SFXN2: variants seen among roughly 807,000 people sequenced by gnomAD.
The protein encoded by SFXN2 is sideroflexin 2, also known as sideroflexin-2.
A neutral mutation model predicts 41.9 loss-of-function variants in SFXN2; 37 were observed. The ratio of observed to expected loss-of-function variants is 0.88; its 90% CI spans 0.68 to 1.16. The LOEUF (loss-of-function observed/expected upper bound fraction) is 1.16. Among genes scored for constraint, SFXN2 ranks in the 50% most tolerant of loss-of-function variants. SFXN2 has a pLI of 0.00. For missense variants in SFXN2, 386 were observed against 425.2 expected, an observed-to-expected ratio of 0.91 and a Z score of 0.81; for synonymous variants, 150 against 156.7, an observed-to-expected ratio of 0.96 and a Z score of 0.32.
chr10:102,717,938 A>T lies in SFXN2; in HGVS notation c.-26+3257A>T, dbSNP rs530736390. ...AAGGTGACAATCACAAACGCCCAGCATGCTGCAAAGGACAGGATGCTGTAG... is the reference window on the plus strand; with the variant it reads ...AAGGTGACAATCACAAACGCCCAGCTTGCTGCAAAGGACAGGATGCTGTAG... On this transcript the variant is annotated intron_variant, in intron 1 of 11. Coordinates refer to ENST00000369893, the MANE Select transcript of SFXN2 (RefSeq NM_178858.6). Among the ~76,000 whole-genome samples, 14 of 152,372 alleles carry T rather than the reference A, an allele frequency of 9.2e-5. No homozygotes were observed. The South Asian group carries it at 2.9e-3, about 32-fold the overall frequency.
chr10:102,718,912 C>A (rs555518345), intron 1 of SFXN2, among the ~76,000 whole-genome samples: 1 of 138,444 alleles, frequency 7.2e-6, no homozygotes, highest in African/African-American at 2.7e-5. Flanking sequence ...TTCCTTTTCT[C>A]GGCTTCTTTT....
chr10:102,732,881 A>C lies in SFXN2; in HGVS notation c.744A>C (p.Glu248Asp). 6.2e-7 allele frequency: 1 copy of C among 1,614,104 alleles called. No individual in the cohort carries two copies. ...CAGTCTTGCTGCCAGTCATCATGGA[A>C]AGGCTTGAGAAATTGCACTTCATGC... ...PGMILLPVIM[E>D]RLEKLHFMQK... The change falls in exon 9 of 12, where the codon GAA (glutamate) becomes GAC (aspartate). Residue 248 changes from glutamate (E) to aspartate (D), a missense_variant. Transcript: ENST00000369893.
At chr10:102,736,055 G>A (rs1438976925) in intron 11 of SFXN2, 146 bp downstream of exon 11, 2 of 805,832 alleles carry the variant, frequency 2.5e-6, no homozygotes, top group African/African-American at 1.7e-5. Flanking sequence ...TAAAGGCTGG[G>A]CCTCTTAACC....
chr10:102,739,115 A>G lies in SFXN2; in HGVS notation c.*1353A>G, dbSNP rs2064820623. 6.6e-6 allele frequency: 1 copy of G among 152,268 alleles called. No individual in the cohort carries two copies. Among genetic ancestry groups the G allele is most frequent in the South Asian group, 2.1e-4 (1 of 4,828 alleles). The allele number at this position is 152,268 out of a possible 1,614,324, so 9.4% of individuals were successfully genotyped here. A position where few individuals can be genotyped will look rare whatever the true frequency, so the allele number is the denominator to read the frequency against. Reference sequence around the variant, plus strand: ...GTGTGTATGAGTTTTGTCTGGTAGGATTGCTGACTCTGTCCAACAGATATC... The same window carrying G: ...GTGTGTATGAGTTTTGTCTGGTAGGGTTGCTGACTCTGTCCAACAGATATC... On this transcript the variant is annotated 3_prime_UTR_variant, in exon 12 of 12. Coordinates refer to ENST00000369893, the MANE Select transcript of SFXN2 (RefSeq NM_178858.6).
chr10:102,742,132 T>C lies in SFXN2; in HGVS notation c.*4370T>C, dbSNP rs536033025. 6.6e-6 allele frequency: 1 copy of C among 151,584 alleles called. No individual in the cohort carries two copies. Among genetic ancestry groups the C allele is most frequent in the African/African-American group, 2.4e-5 (1 of 41,254 alleles). 9.4% of individuals were successfully genotyped at this position (151,584 alleles called of 1,614,324 possible). A position where few individuals can be genotyped will look rare whatever the true frequency, so the allele number is the denominator to read the frequency against. On this transcript the variant is annotated 3_prime_UTR_variant, in exon 12 of 12. Transcript: ENST00000369893. The stretch of plus-strand genomic sequence containing the variant: ...CTAAAGTCAACTGTGTTATTTGCCA[T>C]GGGTCTTCCTTTGTCCATTTATTTT...
At position 102,738,299 on chromosome 10, in the gene SFXN2, CTTT is replaced by C. The variant is rs540808803; in HGVS notation, c.*549_*551del. 2.8e-5 allele frequency: 4 copies of C among 143,666 alleles called. No homozygotes were observed. Among genetic ancestry groups the C allele is most frequent in the Non-Finnish European group, 4.6e-5 (3 of 65,306 alleles). 8.9% of individuals were successfully genotyped at this position (143,666 alleles called of 1,614,324 possible). A position where few individuals can be genotyped will look rare whatever the true frequency, so the allele number is the denominator to read the frequency against. On this transcript the variant is annotated 3_prime_UTR_variant, in exon 12 of 12. Coordinates refer to ENST00000369893, the MANE Select transcript of SFXN2 (RefSeq NM_178858.6). ...TCGTTGCCCCCTGGTCAGGCAGCTT[CTTT>C]TTTTTTTTTTTCAAGATGGAGTCTT...
chr10:102,726,687 G>A lies in SFXN2; in HGVS notation c.51G>A (p.Gln17=), dbSNP rs773407606. 1 of 1,614,228 alleles carries A rather than the reference G, an allele frequency of 6.2e-7. No individual in the cohort carries two copies. Among genetic ancestry groups the A allele is most frequent in the Non-Finnish European group, 8.5e-7 (1 of 1,180,042 alleles). The change falls in exon 2 of 12, where the codon CAG becomes CAA. Residue 17 remains glutamine, a synonymous_variant. Transcript: ENST00000369893. The stretch of plus-strand genomic sequence containing the variant: ...ACATCGATGCCCCCCGTTGGGACCA[G>A]CGCACCTTCCTGGGGAGAGTGAAGC... ...GFNIDAPRWD[Q]RTFLGRVKHF...
chr10:102,726,329 TTTG>T, intron 1 of SFXN2, among the ~76,000 whole-genome samples: 1 of 152,332 alleles, frequency 6.6e-6, no homozygotes, highest in Admixed American at 6.5e-5. Context: ...TGGGTGGGCT[TTTG>T]TTCCCAGAGC....
chr10:102,723,273 A>G (rs1236462688), intron 1 of SFXN2, among the ~76,000 whole-genome samples: 4 of 145,600 alleles, frequency 2.7e-5, no homozygotes, highest in Non-Finnish European at 6.0e-5. Context: ...TTTTTTTTTG[A>G]CAGAGTCTCA....
At chr10:102,718,372 C>T (rs1221314534) in intron 1 of SFXN2, among the ~76,000 whole-genome samples, 4 of 152,266 alleles carry the variant, frequency 2.6e-5, no homozygotes, top group African/African-American at 7.2e-5. Context: ...GCTCTGTAAG[C>T]CAAGGCAGCG....
chr10:102,733,412 T>C, intron 9 of SFXN2, 142 bp from the exon 10 acceptor site: 1 of 653,596 alleles, frequency 1.5e-6, no homozygotes, highest in Non-Finnish European at 2.8e-6. Context: ...TCTCCCAAAG[T>C]GCTGGGATTA....
intron 1 of SFXN2, among the ~76,000 whole-genome samples, chr10:102,720,553 G>A (rs2064494858): frequency 6.6e-6 from 1 of 151,456 alleles, no homozygotes; most frequent in African/African-American, 2.4e-5. Flanking sequence ...GGCTGGAGTA[G>A]TGAGCCATGA....
rs766321824 is a variant in SFXN2 at position 102,727,207 on chromosome 10, G to C, written c.332+50G>C. 6 of 1,552,894 alleles carry C rather than the reference G, an allele frequency of 3.9e-6. No homozygotes were observed. The Admixed American group carries it at 1.1e-4, about 28-fold the overall frequency. ...GGAGGTACAGCTGCCTGGATCTGCTGGTCAGGGAGCCATACTATGATAATA... is the reference window on the plus strand; with the variant it reads ...GGAGGTACAGCTGCCTGGATCTGCTCGTCAGGGAGCCATACTATGATAATA... On this transcript the variant is annotated intron_variant, in intron 3 of 11. Coordinates refer to ENST00000369893, the MANE Select transcript of SFXN2 (RefSeq NM_178858.6).
intron 1 of SFXN2, among the ~76,000 whole-genome samples, chr10:102,725,248 G>A (rs567174535): frequency 2.0e-5 from 3 of 152,226 alleles, no homozygotes; most frequent in African/African-American, 7.2e-5. Flanking sequence ...TCAGTCTTCT[G>A]GGGAGCCTGT....
chr10:102,731,544 G>C (rs2064704104), intron 6 of SFXN2, among the ~76,000 whole-genome samples, 179 bp from the exon 7 acceptor site: 1 of 152,140 alleles, frequency 6.6e-6, no homozygotes, highest in Admixed American at 6.6e-5. Flanking sequence ...CTCAGCCACT[G>C]CCCTAGATCA....
intron 1 of SFXN2, among the ~76,000 whole-genome samples, chr10:102,724,218 T>A (rs968213144): frequency 3.3e-5 from 5 of 152,254 alleles, no homozygotes; most frequent in African/African-American, 1.2e-4. Context: ...TTCCATGGTG[T>A]ACATATACCA....
rs1435879754 is a variant in SFXN2 at position 102,737,716 on chromosome 10, A to C, written c.923A>C (p.Lys308Thr). 6.2e-7 allele frequency: 1 copy of C among 1,613,300 alleles called. No homozygotes were observed. The highest frequency in any genetic ancestry group is 8.5e-7 in the Non-Finnish European group (1 of 1,179,364). The change falls in exon 12 of 12, where the codon AAG (lysine) becomes ACG (threonine). Residue 308 changes from lysine (K) to threonine (T), a missense_variant. By Grantham distance (78) the Lys-to-Thr change is moderately conservative. Coordinates refer to ENST00000369893, the MANE Select transcript of SFXN2 (RefSeq NM_178858.6). ...AAGCTCCAAGACACTATCAAGGCCA[A>C]GTATGGAGAACTTGAGCCTTATGTC... is the stretch of plus-strand genomic sequence containing the variant. ...EPKLQDTIKA[K>T]YGELEPYVYF...
In SFXN2 at chr10:102,729,430, C is replaced by T. The variant is rs573768985; in HGVS notation, c.507+36C>T. 626 of 1,608,132 alleles carry T rather than the reference C, an allele frequency of 3.9e-4. 8 individuals carry two copies. The South Asian group carries it at 6.3e-3, about 16-fold the overall frequency. ...GGGCCGCTGCAGCATGGTGGCCACG[C>T]GGGGGCAGCAGAGTCCTAGGGAAAA... On this transcript the variant is annotated intron_variant, in intron 5 of 11. Coordinates refer to ENST00000369893, the MANE Select transcript of SFXN2 (RefSeq NM_178858.6).
chr10:102,730,035 G>T (rs923779843), intron 6 of SFXN2, among the ~76,000 whole-genome samples: 1 of 152,142 alleles, frequency 6.6e-6, no homozygotes, highest in Non-Finnish European at 1.5e-5. Flanking sequence ...TCCTCTCCTG[G>T]GTGATGTGGG....
Sources: allele counts gnomAD v4.1 joint callset (sites outside exome capture counted in the v4.1 genomes callset), GRCh38; gene constraint gnomAD v4.1.1; transcripts MANE v1.5; gene names NCBI Gene and HGNC (gene_info 2026-07-23, HGNC 2026-07-21).